The following GABRB1 variants were observed in gnomAD, a reference collection of about 807,000 sequenced individuals.
The protein encoded by GABRB1 is gamma-aminobutyric acid receptor subunit beta-1.
A neutral mutation model predicts 51.6 loss-of-function variants in GABRB1; 17 were observed. The ratio of observed to expected loss-of-function variants is 0.33; its 90% confidence interval spans 0.23 to 0.49. The LOEUF (loss-of-function observed/expected upper bound fraction) is 0.49, where lower values mean the gene tolerates loss of function less well. Ranked by LOEUF, GABRB1 falls within the 20% of genes least tolerant of loss-of-function variation. The pLI is 0.99. For missense variants in GABRB1, 410 were observed against 600.6 expected (o/e 0.68, Z 3.32); for synonymous variants, 247 against 218.9 (o/e 1.13, Z -1.14).
chr4:47,314,907 T>A (rs1724830719), intron 4 of GABRB1, among the ~76,000 whole-genome samples: 1 of 151,828 alleles, frequency 6.6e-6, no homozygotes, highest in Admixed American at 6.6e-5. Flanking sequence ...AAGACTTAAA[T>A]GTAAAAGAAA....
chr4:47,131,789 G>A (rs1356226247), intron 3 of GABRB1, among the ~76,000 whole-genome samples: 3 of 152,124 alleles, frequency 2.0e-5, no homozygotes, highest in Non-Finnish European at 4.4e-5. Flanking sequence ...TGAACATTTA[G>A]ATTAGGATGA....
At chr4:47,007,853 T>A (rs1331228052) in intron 1 of GABRB1, among the ~76,000 whole-genome samples, 1 of 148,256 alleles carries the variant, frequency 6.7e-6, no homozygotes, top group Non-Finnish European at 1.5e-5. Flanking sequence ...AAAGGACGTA[T>A]ACCTTGGAAC....
intron 3 of GABRB1, among the ~76,000 whole-genome samples, chr4:47,033,278 T>A (rs1725417830): frequency 6.6e-6 from 1 of 152,152 alleles, no homozygotes; most frequent in African/African-American, 2.4e-5. Flanking sequence ...GGGTCAACAT[T>A]CTTTTATATA....
At chr4:47,058,900 C>T (rs187072183) in intron 3 of GABRB1, among the ~76,000 whole-genome samples, 2 of 152,232 alleles carry the variant, frequency 1.3e-5, no homozygotes, top group East Asian at 1.9e-4. Context: ...AGAAACAAAG[C>T]ATAGGCTAAA....
At chr4:47,067,141 G>A (rs1446129333) in intron 3 of GABRB1, among the ~76,000 whole-genome samples, 2 of 152,000 alleles carry the variant, frequency 1.3e-5, no homozygotes, top group Non-Finnish European at 1.5e-5. Context: ...TTTTTTTTCT[G>A]AGAAGTAGAT....
chr4:47,262,096 G>T (rs1277890112), intron 4 of GABRB1, among the ~76,000 whole-genome samples: 14 of 151,416 alleles, frequency 9.2e-5, no homozygotes, highest in Admixed American at 8.6e-4. Context: ...AACCCTAGAA[G>T]AAAACCTAGG....
rs558622508 is a variant in GABRB1 at position 47,098,448 on chromosome 4, T to G, written c.241-62801T>G. Among the ~76,000 whole-genome samples, 35 of 151,610 alleles carry G rather than the reference T, an allele frequency of 2.3e-4. No individual in the cohort carries two copies. In the South Asian group the frequency reaches 6.9e-3, roughly 30 times the overall value. On this transcript the variant is annotated intron_variant, in intron 3 of 8. Transcript: ENST00000295454. ...TTGGGGTACCTGCCATTTGGAACTG[T>G]TTTTTTTCCCCCCAATTAGGGTTTC...
In GABRB1 at chr4:47,381,757, C is replaced by G. The variant is rs148493942; in HGVS notation, c.545-21561C>G. 5.3e-4 allele frequency among the ~76,000 whole-genome samples: 81 copies of G among 152,264 alleles called. No individual in the cohort carries two copies. The East Asian group carries it at 7.3e-3, about 14-fold the overall frequency. ...TTTCTTTCCTGTCTATTTCTCTTTC[C>G]CCCCTTCCCTGCCCTGAAGTGCCTT... On this transcript the variant is annotated intron_variant, in intron 5 of 8. Transcript: ENST00000295454.
chr4:47,364,997 A>G (rs1726927545), intron 5 of GABRB1, among the ~76,000 whole-genome samples: 1 of 152,270 alleles, frequency 6.6e-6, no homozygotes, highest in African/African-American at 2.4e-5. Context: ...AAATAATATC[A>G]GGATGCTGAT....
intron 4 of GABRB1, among the ~76,000 whole-genome samples, chr4:47,270,665 T>C (rs543765890): frequency 3.0e-4 from 45 of 152,342 alleles, no homozygotes; most frequent in Non-Finnish European, 5.7e-4. Flanking sequence ...CCTATTCAGC[T>C]AGCTGAAATG....
At chr4:47,080,182 G>A (rs936233446) in intron 3 of GABRB1, among the ~76,000 whole-genome samples, 3 of 151,854 alleles carry the variant, frequency 2.0e-5, no homozygotes, top group Non-Finnish European at 4.4e-5. Context: ...GCAGTGGAGA[G>A]CTCAAAGGCA....
chr4:47,048,723 C>G (rs940199754), intron 3 of GABRB1, among the ~76,000 whole-genome samples: 3 of 152,074 alleles, frequency 2.0e-5, no homozygotes, highest in African/African-American at 7.2e-5. Context: ...AGATAAAGAA[C>G]TGAGTCCAGA....
intron 4 of GABRB1, among the ~76,000 whole-genome samples, chr4:47,200,467 T>C (rs139123518): frequency 6.6e-6 from 1 of 152,284 alleles, no homozygotes; most frequent in Non-Finnish European, 1.5e-5. Context: ...TATATAGTTT[T>C]TGTTTTTTAA....
chr4:47,075,897 T>G (rs971678992), intron 3 of GABRB1, among the ~76,000 whole-genome samples: 1 of 152,134 alleles, frequency 6.6e-6, no homozygotes. Flanking sequence ...CCTAGACCCC[T>G]TTGGAGCCTG....
chr4:47,111,015 T>C (rs1311158114), intron 3 of GABRB1, among the ~76,000 whole-genome samples: 1 of 152,202 alleles, frequency 6.6e-6, no homozygotes, highest in Non-Finnish European at 1.5e-5. Context: ...AGGGATTTTA[T>C]ATGCCCATAA....
intron 4 of GABRB1, among the ~76,000 whole-genome samples, chr4:47,251,600 C>G (rs1157962511): frequency 1.3e-5 from 2 of 152,090 alleles, no homozygotes; most frequent in African/African-American, 2.4e-5. Context: ...AGCTCAGGCT[C>G]TCCTTGGGTG....
At chr4:47,368,605 G>A (rs1727075573) in intron 5 of GABRB1, among the ~76,000 whole-genome samples, 1 of 152,088 alleles carries the variant, frequency 6.6e-6, no homozygotes, top group South Asian at 2.1e-4. Flanking sequence ...AAATCTTACA[G>A]GGAGCCAGGC....
intron 1 of GABRB1, among the ~76,000 whole-genome samples, chr4:47,024,544 C>G (rs1033974200): frequency 2.0e-5 from 3 of 152,018 alleles, no homozygotes; most frequent in Admixed American, 1.3e-4. Flanking sequence ...TAAGTTTTAT[C>G]TCTCACAGAG....
intron 4 of GABRB1, among the ~76,000 whole-genome samples, chr4:47,254,251 C>G (rs538633700): frequency 6.6e-6 from 1 of 151,802 alleles, no homozygotes; most frequent in African/African-American, 2.4e-5. Flanking sequence ...TCCAGTAACC[C>G]TGATACCCCT....
Sources: allele counts gnomAD v4.1 joint callset (sites outside exome capture counted in the v4.1 genomes callset), GRCh38; gene constraint gnomAD v4.1.1; transcripts MANE v1.5; gene names NCBI Gene and HGNC (gene_info 2026-07-23, HGNC 2026-07-21).